CACNB2: variants seen among roughly 807,000 people sequenced by gnomAD.
CACNB2 encodes the protein calcium voltage-gated channel auxiliary subunit beta 2.
A neutral mutation model predicts 73.3 loss-of-function variants in CACNB2; 42 were observed. That is an observed-to-expected ratio of 0.57 (90% CI 0.45 to 0.74). The LOEUF is 0.74. Among genes scored for constraint, CACNB2 ranks in the 30% least tolerant of loss-of-function variants. The pLI is 0.00. For missense variants in CACNB2, 940 were observed against 853.0 expected (o/e 1.10, Z -1.27); for synonymous variants, 348 against 310.3 (o/e 1.12, Z -1.28).
intron 2 of CACNB2, among the ~76,000 whole-genome samples, chr10:18,315,349 AAAC>A (rs1006224471): frequency 1.9e-4 from 29 of 150,134 alleles, no homozygotes; most frequent in Non-Finnish European, 4.1e-4. Flanking sequence ...AAACAAAACA[AAAC>A]AAAACAAAAC....
intron 2 of CACNB2, among the ~76,000 whole-genome samples, chr10:18,292,585 G>A (rs745749623): frequency 6.6e-6 from 1 of 152,186 alleles, no homozygotes; most frequent in Non-Finnish European, 1.5e-5. Context: ...GAACCCAGGA[G>A]GTGGAGGTTG....
intron 12 of CACNB2, 37 bp from the exon 13 acceptor site, chr10:18,538,143 C>T: frequency 6.2e-7 from 1 of 1,608,558 alleles, no homozygotes; most frequent in Non-Finnish European, 8.5e-7. Context: ...GAAAACTGGG[C>T]TGGCATCAAT....
intron 2 of CACNB2, among the ~76,000 whole-genome samples, chr10:18,314,291 A>G (rs1185845066): frequency 6.6e-6 from 1 of 152,210 alleles, no homozygotes; most frequent in Non-Finnish European, 1.5e-5. Context: ...TCAAAAAATA[A>G]TCCTAATTAA....
chr10:18,272,758 T>A (rs2038110778), intron 2 of CACNB2, among the ~76,000 whole-genome samples: 1 of 152,240 alleles, frequency 6.6e-6, no homozygotes, highest in Non-Finnish European at 1.5e-5. Context: ...GGCCGTTGAT[T>A]GTGAGGCCTC....
intron 3 of CACNB2, among the ~76,000 whole-genome samples, chr10:18,467,615 C>T (rs548632755): frequency 3.3e-5 from 5 of 152,300 alleles, no homozygotes; most frequent in Admixed American, 3.3e-4. Flanking sequence ...ATCTGGTGGG[C>T]TGCAGTAGGA....
intron 3 of CACNB2, among the ~76,000 whole-genome samples, chr10:18,420,603 A>G (rs1279399584): frequency 2.6e-5 from 4 of 152,182 alleles, no homozygotes; most frequent in Admixed American, 2.6e-4. Flanking sequence ...GCTCATCCAC[A>G]TTGGAGAAGG....
intron 2 of CACNB2, among the ~76,000 whole-genome samples, chr10:18,219,810 C>A (rs977357440): frequency 5.3e-5 from 8 of 150,564 alleles, no homozygotes; most frequent in African/African-American, 2.0e-4. Flanking sequence ...CACTCTGTCA[C>A]CCAGGCTCAA....
At chr10:18,456,486 G>T (rs1286212094) in intron 3 of CACNB2, among the ~76,000 whole-genome samples, 1 of 152,008 alleles carries the variant, frequency 6.6e-6, no homozygotes, top group Non-Finnish European at 1.5e-5. Flanking sequence ...TAAACAACCA[G>T]TTCTCATGAG....
chr10:18,165,017 C>T (rs762440375), intron 2 of CACNB2, among the ~76,000 whole-genome samples: 7 of 151,930 alleles, frequency 4.6e-5, no homozygotes. Context: ...TAACATGGTT[C>T]CTAGATTAAA....
intron 3 of CACNB2, among the ~76,000 whole-genome samples, chr10:18,482,809 G>A (rs537375049): frequency 6.6e-6 from 1 of 152,268 alleles, no homozygotes; most frequent in African/African-American, 2.4e-5. Flanking sequence ...ACCACGCCAG[G>A]CCTGGGGTAT....
intron 2 of CACNB2, among the ~76,000 whole-genome samples, chr10:18,169,866 A>G (rs138333247): frequency 6.6e-5 from 10 of 152,332 alleles, no homozygotes; most frequent in South Asian, 2.1e-4. Context: ...TTAAAGCAAC[A>G]AGGACATTTA....
chr10:18,191,039 A>T (rs908097782), intron 2 of CACNB2, among the ~76,000 whole-genome samples: 2 of 152,242 alleles, frequency 1.3e-5, no homozygotes, highest in African/African-American at 4.8e-5. Flanking sequence ...TTAGAAGGTT[A>T]CAGTAAACCA....
intron 2 of CACNB2, among the ~76,000 whole-genome samples, chr10:18,249,627 A>G (rs778879139): frequency 2.0e-5 from 3 of 152,134 alleles, no homozygotes; most frequent in Non-Finnish European, 4.4e-5. Context: ...CTCAGTCTTC[A>G]TCTTACTTGA....
intron 2 of CACNB2, among the ~76,000 whole-genome samples, chr10:18,161,918 G>C (rs1015206958): frequency 1.3e-5 from 2 of 151,976 alleles, no homozygotes; most frequent in Non-Finnish European, 2.9e-5. Context: ...GACGGAGTGA[G>C]ACTCCTTCTC....
intron 2 of CACNB2, among the ~76,000 whole-genome samples, chr10:18,165,384 C>G (rs557059535): frequency 6.6e-6 from 1 of 152,298 alleles, no homozygotes; most frequent in South Asian, 2.1e-4. Context: ...CAGAGAGAAA[C>G]GATGTCACTG....
chr10:18,524,504 A>G (rs1403360882), intron 9 of CACNB2, among the ~76,000 whole-genome samples: 1 of 151,618 alleles, frequency 6.6e-6, no homozygotes, highest in Non-Finnish European at 1.5e-5. Context: ...AAAGTACAAA[A>G]ATTAGCTGGG....
At chr10:18,486,663 C>T (rs981838498) in intron 3 of CACNB2, among the ~76,000 whole-genome samples, 6 of 152,158 alleles carry the variant, frequency 3.9e-5, no homozygotes, top group Non-Finnish European at 8.8e-5. Flanking sequence ...AGGGTCCAGG[C>T]ATCTGTCTCT....
At chr10:18,441,541 T>G (rs2046411183) in intron 3 of CACNB2, among the ~76,000 whole-genome samples, 1 of 152,222 alleles carries the variant, frequency 6.6e-6, no homozygotes, top group Non-Finnish European at 1.5e-5. Flanking sequence ...CCTTTTTTCT[T>G]TTTTTTGCTG....
At chr10:18,221,265 T>C (rs1326972373) in intron 2 of CACNB2, among the ~76,000 whole-genome samples, 14 of 150,522 alleles carry the variant, frequency 9.3e-5, no homozygotes, top group Admixed American at 6.8e-5. Flanking sequence ...TACTGTTGAT[T>C]GTGTCATGGA....
Sources: gnomAD v4.1 joint callset for allele counts (sites outside exome capture counted in the v4.1 genomes callset) on GRCh38, gnomAD v4.1.1 for gene constraint, MANE v1.5 for transcripts, NCBI Gene and HGNC (gene_info 2026-07-23, HGNC 2026-07-21) for gene names.